The following CENPK variants were observed in gnomAD, a reference collection of about 807,000 sequenced individuals.
CENPK encodes the protein centromere protein K.
CENPK carries 46 observed loss-of-function variants against 40.9 expected under a neutral mutation model. That is an observed-to-expected ratio of 1.13 (90% confidence interval 0.89 to 1.44). The LOEUF is 1.44. CENPK is among the 40% of genes most tolerant of loss of function. The probability of loss-of-function intolerance (pLI) is 0.00; values close to 1 mark genes in which losing one functional copy is unlikely to be tolerated. For missense variants in CENPK, 288 were observed against 303.5 expected (o/e 0.95, Z 0.38); for synonymous variants, 107 against 104.4 (o/e 1.02, Z -0.15).
At chr5:65,551,419 C>T (rs13160676) in intron 5 of CENPK, 145 bp downstream of exon 5, 386,213 of 541,944 alleles carry the variant, frequency 0.71, 139,222 homozygotes, top group East Asian at 0.9. Flanking sequence ...AAATAATTCA[C>T]AGAAAAAAAG....
the CENPK span, among the ~76,000 whole-genome samples, chr5:65,497,853 G>A: frequency 6.6e-6 from 1 of 152,056 alleles, no homozygotes; most frequent in African/African-American, 2.4e-5. Flanking sequence ...CTGGGCAACT[G>A]AGCAAGACCC....
chr5:65,515,021 A>G (rs893571815), downstream of CENPK, among the ~76,000 whole-genome samples: 1 of 151,400 alleles, frequency 6.6e-6, no homozygotes, highest in African/African-American at 2.4e-5. Context: ...GAATTTCTCT[A>G]TTGTTTTTGT....
At chr5:65,541,293 G>C (rs910408308) in intron 6 of CENPK, 14 of 435,244 alleles carry the variant, frequency 3.2e-5, no homozygotes, top group African/African-American at 2.8e-4. Flanking sequence ...CTGGCAACTG[G>C]TATCTGAAAC....
At chr5:65,557,843 T>C (rs1751251007) in intron 2 of CENPK, among the ~76,000 whole-genome samples, 1 of 152,000 alleles carries the variant, frequency 6.6e-6, no homozygotes. Context: ...TTCATAGGAG[T>C]AGTTTTAGAA....
At chr5:65,530,869 C>T (rs1487390865) in intron 6 of CENPK, among the ~76,000 whole-genome samples, 1 of 152,086 alleles carries the variant, frequency 6.6e-6, no homozygotes, top group Non-Finnish European at 1.5e-5. Flanking sequence ...GAGATCATAC[C>T]ACTGCATGCC....
chr5:65,516,081 A>G (rs915692498), downstream of CENPK, among the ~76,000 whole-genome samples: 13 of 152,164 alleles, frequency 8.5e-5, no homozygotes, highest in East Asian at 2.5e-3. Context: ...CCTAACCTTA[A>G]TATCTTCCAA....
At chr5:65,512,666 G>A in the CENPK span, among the ~76,000 whole-genome samples, 8 of 152,210 alleles carry the variant, frequency 5.3e-5, no homozygotes, top group South Asian at 1.4e-3. Flanking sequence ...TTACATGTAC[G>A]GGGAAATCAA....
At chr5:65,514,228 ATCTTTT>A (rs1742692283), downstream of CENPK, among the ~76,000 whole-genome samples, 2 of 61,648 alleles carry the variant, frequency 3.2e-5, no homozygotes, top group African/African-American at 1.3e-4. Context: ...GCCTCACATA[ATCTTTT>A]TTTTTTTTTT....
At chr5:65,498,321 T>C in the CENPK span, among the ~76,000 whole-genome samples, 1 of 152,132 alleles carries the variant, frequency 6.6e-6, no homozygotes, top group Non-Finnish European at 1.5e-5. Flanking sequence ...TCTTTATATA[T>C]GTTTTTTGTA....
Position 65,526,585 on chromosome 5 carries a change from C to T in CENPK, c.597+1867G>A, listed in dbSNP as rs150643615. Among the ~76,000 whole-genome samples, 22 of 152,096 alleles carry T rather than the reference C, an allele frequency of 1.4e-4. No individual in the cohort carries two copies. In the East Asian group the frequency reaches 2.1e-3, roughly 15 times the overall value. ...AGATACAAAGATGAATTAAACACAC[C>T]GAGTAGCTCACAGGGCATGGGGATA... On this transcript the variant is annotated intron_variant, in intron 9 of 10. Transcript: ENST00000396679.
At chr5:65,533,544 T>C (rs1271197726) in intron 6 of CENPK, among the ~76,000 whole-genome samples, 2 of 152,022 alleles carry the variant, frequency 1.3e-5, no homozygotes. Flanking sequence ...ACCGTTTCTA[T>C]TCAATATTTT....
At chr5:65,501,108 C>G in the CENPK span, among the ~76,000 whole-genome samples, 1 of 148,774 alleles carries the variant, frequency 6.7e-6, no homozygotes, top group South Asian at 2.2e-4. Flanking sequence ...TTCTTTATAT[C>G]TTCTATTTCT....
intron 9 of CENPK, among the ~76,000 whole-genome samples, chr5:65,527,925 A>G (rs928338621): frequency 6.6e-6 from 1 of 152,158 alleles, no homozygotes; most frequent in Non-Finnish European, 1.5e-5. Context: ...TCATATGGAT[A>G]TAACATAAGA....
chr5:65,540,242 C>A (rs183337227), intron 6 of CENPK, among the ~76,000 whole-genome samples: 96 of 152,286 alleles, frequency 6.3e-4, no homozygotes, highest in Non-Finnish European at 1.2e-3. Context: ...AGAAGCCAAG[C>A]CATACCTTCA....
chr5:65,530,339 G>A (rs911170166), intron 6 of CENPK, among the ~76,000 whole-genome samples: 3 of 152,164 alleles, frequency 2.0e-5, no homozygotes, highest in African/African-American at 7.2e-5. Flanking sequence ...AAGGTATGAA[G>A]AGCAAGAAAT....
At chr5:65,546,286 G>A (rs976544684) in intron 5 of CENPK, among the ~76,000 whole-genome samples, 26 of 152,164 alleles carry the variant, frequency 1.7e-4, no homozygotes, top group African/African-American at 6.3e-4. Context: ...GATTACAGAC[G>A]TGAGCCACCA....
At chr5:65,503,090 T>A in the CENPK span, among the ~76,000 whole-genome samples, 1 of 150,522 alleles carries the variant, frequency 6.6e-6, no homozygotes, top group African/African-American at 2.4e-5. Flanking sequence ...TGAGCCACCG[T>A]GCCTGCCCAC....
At chr5:65,533,373 A>AT (rs1746253529) in intron 6 of CENPK, among the ~76,000 whole-genome samples, 1 of 151,842 alleles carries the variant, frequency 6.6e-6, no homozygotes, top group South Asian at 2.1e-4. Flanking sequence ...AAATAAATAA[A>AT]ATAACAAAAT....
intron 6 of CENPK, among the ~76,000 whole-genome samples, chr5:65,533,657 A>C (rs1458290094): frequency 6.6e-6 from 1 of 152,198 alleles, no homozygotes; most frequent in Non-Finnish European, 1.5e-5. Flanking sequence ...CTCAGATAAT[A>C]AGGATGTAGA....
Sources: gnomAD v4.1 joint callset for allele counts (sites outside exome capture counted in the v4.1 genomes callset) on GRCh38, gnomAD v4.1.1 for gene constraint, MANE v1.5 for transcripts, NCBI Gene and HGNC (gene_info 2026-07-23, HGNC 2026-07-21) for gene names.